The following M1AP variants were observed in gnomAD, a reference collection of about 807,000 sequenced individuals.
M1AP encodes meiosis 1 arrest protein.
A neutral mutation model predicts 51.2 loss-of-function variants in M1AP; 39 were observed. The observed-to-expected ratio is 0.76, with a 90% CI of 0.59 to 1.00. The LOEUF is 1.00. Ranked by LOEUF, M1AP falls within the 50% of genes least tolerant of loss-of-function variation. M1AP has a pLI of 0.00. For missense variants in M1AP, 545 were observed against 641.2 expected (o/e 0.85, Z 1.62); for synonymous variants, 251 against 249.2 (o/e 1.01, Z -0.07).
chr2:74,624,169 A>G (rs1217423137), intron 2 of M1AP, among the ~76,000 whole-genome samples: 1 of 152,244 alleles, frequency 6.6e-6, no homozygotes, highest in Non-Finnish European at 1.5e-5. Flanking sequence ...AGCATAAGCC[A>G]GCATTAAAGT....
chr2:74,602,684 C>G (rs1189146136), intron 4 of M1AP, among the ~76,000 whole-genome samples: 1 of 152,086 alleles, frequency 6.6e-6, no homozygotes, highest in Admixed American at 6.5e-5. Context: ...GGGAATAAAA[C>G]AATTAATTAT....
chr2:74,648,108 C>T (rs2104876529), intron 1 of M1AP, 157 bp downstream of exon 1: 1 of 984,244 alleles, frequency 1.0e-6, no homozygotes, highest in East Asian at 1.1e-4. Flanking sequence ...TTCGGAGCCT[C>T]TCTCGGCGTC....
intron 5 of M1AP, chr2:74,576,897 T>C (rs776802477): frequency 1.1e-4 from 130 of 1,155,986 alleles, no homozygotes; most frequent in South Asian, 9.8e-5. Flanking sequence ...GTTTTACTTC[T>C]GGGCTGGCTG....
intron 3 of M1AP, among the ~76,000 whole-genome samples, chr2:74,607,716 C>T (rs996768384): frequency 2.4e-4 from 37 of 152,232 alleles, no homozygotes; most frequent in African/African-American, 7.9e-4. Context: ...CCTCGTGATC[C>T]GCCCGCCCCG....
At chr2:74,619,375 TA>T in intron 2 of M1AP, 2 of 194,666 alleles carry the variant, frequency 1.0e-5, no homozygotes. Context: ...TCCACTTCTG[TA>T]ACTGGTCCTA....
chr2:74,575,489 AT>A lies in M1AP; in HGVS notation c.1022del (p.Asp341ValfsTer18). The A allele has an allele frequency of 3.1e-6, 5 of 1,614,180 alleles. No homozygotes were observed. Among genetic ancestry groups the A allele is most frequent in the Non-Finnish European group, 4.2e-6 (5 of 1,180,030 alleles). ...AATGTTGCTGATTTGTCTCCAGCTC[AT>A]CCCAGTCCAGCTGCCAACAGCTTGT... The part of the protein sequence containing the change: ...RPTSCWQLDW[D>X]ELETNQQHFH... On this transcript the variant is annotated frameshift_variant, in exon 7 of 11. Coordinates refer to ENST00000421985, the MANE Select transcript of M1AP (RefSeq NM_001321739.2). LOFTEE classifies it high-confidence loss of function.
chr2:74,625,416 T>G (rs1389195085), intron 2 of M1AP, among the ~76,000 whole-genome samples: 1 of 152,166 alleles, frequency 6.6e-6, no homozygotes, highest in Non-Finnish European at 1.5e-5. Context: ...TCTGTTTTTA[T>G]ATATTATTAA....
At position 74,572,300 on chromosome 2, in the gene M1AP, T is replaced by C. The variant is rs1573075156; in HGVS notation, c.1074+3138A>G. Among the ~76,000 whole-genome samples, 3 of 152,306 alleles carry C rather than the reference T, an allele frequency of 2.0e-5. No individual in the cohort carries two copies. In the East Asian group the frequency reaches 5.8e-4, roughly 29 times the overall value. ...ACATGGGCTTTGTAGTCAACAGAAC[T>C]AGGTTCAAATTCTTTTTAAATTTTC... On this transcript the variant is annotated intron_variant, in intron 7 of 10. Coordinates refer to ENST00000421985, the MANE Select transcript of M1AP (RefSeq NM_001321739.2).
Position 74,647,995 on chromosome 2 carries a change from C to T in M1AP, c.-53+270G>A, listed in dbSNP as rs1683704576. On this transcript the variant is annotated intron_variant, in intron 1 of 10. Coordinates refer to ENST00000421985, the MANE Select transcript of M1AP (RefSeq NM_001321739.2). ...TACCGTGCCTGGCGGATCAGCAGCC[C>T]GGCCCTCGGGCCTGGGGGCCCCGCG... is the stretch of plus-strand genomic sequence containing the variant. 1.0e-5 allele frequency: 10 copies of T among 985,018 alleles called. No individual in the cohort carries two copies. The South Asian group carries it at 3.8e-4, about 37-fold the overall frequency. The allele number at this position is 985,018 out of a possible 1,614,324, so 61.0% of individuals were successfully genotyped here.
chr2:74,594,069 G>A (rs1171174569), intron 4 of M1AP, among the ~76,000 whole-genome samples: 1 of 152,144 alleles, frequency 6.6e-6, no homozygotes, highest in African/African-American at 2.4e-5. Flanking sequence ...TTATAGTTTA[G>A]GCTTAAAGAT....
intron 7 of M1AP, among the ~76,000 whole-genome samples, chr2:74,569,718 G>A (rs1049281807): frequency 1.3e-5 from 2 of 152,114 alleles, no homozygotes; most frequent in African/African-American, 4.8e-5. Flanking sequence ...AGCCTTATCA[G>A]CTTTATTTCT....
At chr2:74,620,848 A>G in intron 2 of M1AP, 1 of 173,492 alleles carries the variant, frequency 5.8e-6, no homozygotes, top group Non-Finnish European at 1.3e-5. Flanking sequence ...AGTTGTTTCT[A>G]GGAATTTCTG....
intron 4 of M1AP, among the ~76,000 whole-genome samples, chr2:74,603,347 G>T (rs1680782160): frequency 6.6e-6 from 1 of 152,222 alleles, no homozygotes; most frequent in South Asian, 2.1e-4. Flanking sequence ...AGAGGGAAAA[G>T]ATATCAAGTA....
chr2:74,618,161 T>C (rs1202241167), intron 2 of M1AP, among the ~76,000 whole-genome samples: 1 of 152,152 alleles, frequency 6.6e-6, no homozygotes, highest in Admixed American at 6.5e-5. Context: ...GTAAGTGATA[T>C]CAAGTGAGAG....
intron 1 of M1AP, 25 bp from the exon 2 acceptor site, chr2:74,640,352 C>A: frequency 1.3e-6 from 2 of 1,551,474 alleles, no homozygotes; most frequent in Non-Finnish European, 1.7e-6. Flanking sequence ...AGAGAAACCA[C>A]TGGTTTTCAA....
Position 74,640,067 on chromosome 2 carries a change from T to C in M1AP, c.209A>G (p.Gln70Arg), listed in dbSNP as rs115401478. 2.9e-3 allele frequency: 4,606 copies of C among 1,614,208 alleles called. 127 individuals are homozygous for C. In the African/African-American group the frequency reaches 0.054, roughly 19 times the overall value. ...RMSLFSLYMV[Q>R]DQHECILPFV... ...AGGGAGGATGCACTCATGCTGATCT[T>C]GTACCATGTATAAACTGAACAGGGA... The change falls in exon 2 of 11, where the codon CAA becomes CGA. Residue 70 changes from glutamine (Q) to arginine (R), a missense_variant. Physicochemically the swap from Gln to Arg is conservative, Grantham distance 43 (BLOSUM62 1). Coordinates refer to ENST00000421985, the MANE Select transcript of M1AP (RefSeq NM_001321739.2).
intron 2 of M1AP, among the ~76,000 whole-genome samples, chr2:74,636,348 T>A (rs1179506026): frequency 1.3e-5 from 2 of 152,134 alleles, no homozygotes; most frequent in African/African-American, 4.8e-5. Context: ...ACATTTAATG[T>A]GTTTGAAGTT....
chr2:74,641,657 G>A (rs922168063), intron 1 of M1AP, among the ~76,000 whole-genome samples: 4 of 78,522 alleles, frequency 5.1e-5, no homozygotes, highest in Non-Finnish European at 2.5e-5. Flanking sequence ...TTTTTTTTTT[G>A]TAGAGATGGG....
Position 74,558,654 on chromosome 2 carries a change from C to G in M1AP, c.*62G>C. 6.3e-7 allele frequency: 1 copy of G among 1,582,852 alleles called. No homozygotes were observed. Among genetic ancestry groups the G allele is most frequent in the Non-Finnish European group, 8.6e-7 (1 of 1,161,214 alleles). On this transcript the variant is annotated 3_prime_UTR_variant, in exon 11 of 11. Coordinates refer to ENST00000421985, the MANE Select transcript of M1AP (RefSeq NM_001321739.2). ...GAGAGCAAGTCTGACCACAGATAGC[C>G]ATTATGTGAACCTGAGCATGGATAT...
Sources: allele counts gnomAD v4.1 joint callset (sites outside exome capture counted in the v4.1 genomes callset), GRCh38; gene constraint gnomAD v4.1.1; transcripts MANE v1.5; gene names NCBI Gene and HGNC (gene_info 2026-07-23, HGNC 2026-07-21).